The following GAB3 variants were observed in gnomAD, a reference collection of about 807,000 sequenced individuals.
GAB3 encodes the protein GRB2 associated binding protein 3.
In GAB3, 12 loss-of-function variants were observed where a neutral mutation model predicts 40.4. That is an observed-to-expected ratio of 0.30 (90% CI 0.19 to 0.48). The LOEUF (loss-of-function observed/expected upper bound fraction) is 0.48, where lower values mean the gene tolerates loss of function less well. Ranked by LOEUF, GAB3 falls within the 20% of genes least tolerant of loss-of-function variation. The probability of loss-of-function intolerance (pLI) is 0.99; values close to 1 mark genes in which losing one functional copy is unlikely to be tolerated. For synonymous variants in GAB3, 154 were observed against 176.7 expected, an observed-to-expected ratio of 0.87 and a Z score of 1.02; for missense variants, 381 against 461.9, an observed-to-expected ratio of 0.82 and a Z score of 1.61.
chrX:154,688,684 C>G (rs2070498498), intron 8 of GAB3, among the ~76,000 whole-genome samples: 1 of 111,823 alleles, frequency 8.9e-6, no homozygotes, highest in Admixed American at 9.5e-5. Context: ...AACAGATACT[C>G]CACCAAAGAA....
At chrX:154,718,263 A>G (rs1557258033) in intron 1 of GAB3, among the ~76,000 whole-genome samples, 1 of 108,926 alleles carries the variant, frequency 9.2e-6, no homozygotes, top group East Asian at 2.9e-4. Context: ...ATGCCTTAGA[A>G]TAAAAAGCCC....
intron 1 of GAB3, among the ~76,000 whole-genome samples, chrX:154,743,890 CTT>C (rs1361318407): frequency 1.8e-5 from 2 of 111,312 alleles, no homozygotes; most frequent in African/African-American, 6.6e-5. Context: ...AATAATCATA[CTT>C]TATGTGAATG....
chrX:154,707,038 C>A (rs1338278549), intron 4 of GAB3, among the ~76,000 whole-genome samples: 2 of 110,897 alleles, frequency 1.8e-5, no homozygotes, highest in African/African-American at 6.6e-5. Context: ...AAAACAGACA[C>A]ATAGACCAAT....
chrX:154,751,048 T>C lies in GAB3; in HGVS notation c.-23A>G, dbSNP rs1369065222. On this transcript the variant is annotated 5_prime_UTR_variant, in exon 1 of 10. Transcript: ENST00000424127. Reference sequence around the variant, plus strand: ...CATCGTGGCCGCCGCCGCCGCTTCCTCCAGCTGGGCCAGCCGCCCGCGGCA... The same window carrying C: ...CATCGTGGCCGCCGCCGCCGCTTCCCCCAGCTGGGCCAGCCGCCCGCGGCA... The C allele has an allele frequency of 1.3e-6, 1 of 789,419 alleles. No individual in the cohort carries two copies. The highest frequency in any genetic ancestry group is 1.5e-6 in the Non-Finnish European group (1 of 660,323). 65.1% of individuals were successfully genotyped at this position (789,419 alleles called of 1,213,427 possible).
chrX:154,733,152 T>C (rs916337317), intron 1 of GAB3, among the ~76,000 whole-genome samples: 10 of 112,217 alleles, frequency 8.9e-5, no homozygotes, highest in Admixed American at 1.9e-4. Flanking sequence ...ATGTGCAAGT[T>C]AGGGTTCAGA....
intron 1 of GAB3, among the ~76,000 whole-genome samples, chrX:154,722,102 T>A (rs1475443859): frequency 8.9e-6 from 1 of 111,844 alleles, no homozygotes; most frequent in Non-Finnish European, 1.9e-5. Flanking sequence ...ATATTATTCA[T>A]CCTTAAAAAG....
chrX:154,678,109 A>G lies in GAB3; in HGVS notation c.*69T>C. 4 of 567,261 alleles carry G rather than the reference A, an allele frequency of 7.1e-6. No individual in the cohort carries two copies. In the Admixed American group the frequency reaches 1.3e-4, roughly 18 times the overall value. 46.7% of individuals were successfully genotyped at this position (567,261 alleles called of 1,213,427 possible). ...GTGTGTTTTTAGTGGACAAAAAAAA[A>G]AAAAAAAGAAAAAACTCAAACTGAG... is the stretch of plus-strand genomic sequence containing the variant. On this transcript the variant is annotated 3_prime_UTR_variant, in exon 10 of 10. Transcript: ENST00000424127.
chrX:154,717,187 G>A (rs1164712303), intron 1 of GAB3, among the ~76,000 whole-genome samples: 2 of 111,500 alleles, frequency 1.8e-5, no homozygotes, highest in Non-Finnish European at 3.8e-5. Flanking sequence ...GAGAGAGGAA[G>A]TGTAGCCAGC....
intron 4 of GAB3, among the ~76,000 whole-genome samples, chrX:154,709,483 G>C (rs1557254963): frequency 2.9e-4 from 32 of 109,256 alleles, no homozygotes; most frequent in Admixed American, 9.8e-5. Context: ...ACCACACTGG[G>C]TAATTTTTGT....
Position 154,695,925 on chromosome X carries a change from T to C in GAB3, c.1522A>G (p.Ile508Val). The C allele has an allele frequency of 1.7e-6, 2 of 1,151,081 alleles. No individual in the cohort carries two copies. The highest frequency in any genetic ancestry group is 2.4e-6 in the Non-Finnish European group (2 of 841,840). 94.9% of individuals were successfully genotyped at this position (1,151,081 alleles called of 1,213,427 possible). A position where few individuals can be genotyped will look rare whatever the true frequency, so the allele number is the denominator to read the frequency against. ...PVSREDEESY[I>V]EMEEHRTASS... ...GAAAAATATAAGATTACCATTTCGA[T>C]GTAGCTTTCTTCGTCTTCTCTGGAA... is the stretch of plus-strand genomic sequence containing the variant. Residue 508 changes from isoleucine (I) to valine (V), a missense_variant, in exon 8 of 10, where the codon ATC (isoleucine) becomes GTC (valine). Ile to Val is a conservative substitution (Grantham distance 29, BLOSUM62 3). This residue lies in a region of GAB3 where 364 missense variants were observed against 421.0 expected (regional missense o/e 0.86). Transcript: ENST00000424127.
Position 154,700,045 on chromosome X carries a change from G to T in GAB3, c.1084C>A (p.Gln362Lys). 1 of 1,206,131 alleles carries T rather than the reference G, an allele frequency of 8.3e-7. No individual in the cohort carries two copies. The highest frequency in any genetic ancestry group is 1.8e-5 in the South Asian group (1 of 56,618). Residue 362 changes from glutamine to lysine, a missense_variant, in exon 5 of 10, where the codon CAA becomes AAA. Physicochemically the swap from Gln to Lys is moderately conservative, Grantham distance 53. Around this residue, in one of 2 missense-constraint regions of GAB3, gnomAD observed 364 missense variants for 421.0 expected, o/e 0.86. Coordinates refer to ENST00000424127, the MANE Select transcript of GAB3 (RefSeq NM_001081573.3). ...CGCTTGTCTCGGTGTCTTAAGGATT[G>T]GCCTTCTACATCAGCTGCAAGAAAT... ...MRTWKADVEGQSLRHRDKRLS... is the reference protein window; with the variant it reads ...MRTWKADVEGKSLRHRDKRLS...
intron 1 of GAB3, 34 bp from the exon 2 acceptor site, chrX:154,716,363 A>G (rs1557257660): frequency 8.7e-7 from 1 of 1,150,157 alleles, no homozygotes; most frequent in Non-Finnish European, 1.2e-6. Flanking sequence ...GAGTTACTGG[A>G]CCAATTTCTC....
intron 1 of GAB3, among the ~76,000 whole-genome samples, chrX:154,728,648 A>G (rs1224293747): frequency 8.9e-6 from 1 of 112,430 alleles, no homozygotes; most frequent in East Asian, 2.8e-4. Flanking sequence ...TACAGATAGA[A>G]CACAGAAATC....
At chrX:154,751,134 C>T (rs1267931360), upstream of GAB3, 1 of 687,590 alleles carries the variant, frequency 1.5e-6, no homozygotes, top group African/African-American at 2.4e-5. Flanking sequence ...CCCAGCGCCG[C>T]CCCGAGCGGC....
In GAB3 at chrX:154,713,210, G is replaced by A. The variant is rs782414343; in HGVS notation, c.593C>T (p.Thr198Ile). The change falls in exon 3 of 10, where the codon ACC (threonine) becomes ATC (isoleucine). Residue 198 changes from threonine to isoleucine, a missense_variant. This residue lies in a region of GAB3 where 364 missense variants were observed against 421.0 expected (regional missense o/e 0.86). Transcript: ENST00000424127. Reference sequence around the variant, plus strand: ...AGAGTCCTGGGCATAAGCATACCTGGTATGGTGCAGTCTTCCAGTCTCGCA... The same window carrying A: ...AGAGTCCTGGGCATAAGCATACCTGATATGGTGCAGTCTTCCAGTCTCGCA... The part of the protein sequence containing the change: ...SNCETGRLHH[T>I]SLPTRCDSWS... 1.9e-5 allele frequency: 23 copies of A among 1,202,319 alleles called. No homozygotes were observed. The Admixed American group carries it at 3.3e-4, about 17-fold the overall frequency.
At chrX:154,710,855 G>C (rs1247150801) in intron 4 of GAB3, among the ~76,000 whole-genome samples, 1 of 112,272 alleles carries the variant, frequency 8.9e-6, no homozygotes, top group East Asian at 2.8e-4. Context: ...TCAAGTTTTT[G>C]TTCTTCAATT....
At chrX:154,695,358 A>G (rs1185431973) in intron 8 of GAB3, among the ~76,000 whole-genome samples, 4 of 111,741 alleles carry the variant, frequency 3.6e-5, no homozygotes, top group African/African-American at 1.3e-4. Flanking sequence ...CAAATGGTTA[A>G]TCAAGTCTCC....
intron 1 of GAB3, among the ~76,000 whole-genome samples, chrX:154,732,693 G>T (rs947721851): frequency 9.0e-6 from 1 of 111,419 alleles, no homozygotes; most frequent in African/African-American, 3.3e-5. Context: ...GAAGGAGTGA[G>T]CCGTTCTAGA....
intron 6 of GAB3, 45 bp from the exon 7 acceptor site, chrX:154,697,258 A>G: frequency 1.1e-6 from 1 of 900,043 alleles, no homozygotes; most frequent in Non-Finnish European, 1.5e-6. Context: ...GCCAGAGTCT[A>G]AAGACTGTAA....
Sources: gnomAD v4.1 joint callset for allele counts (sites outside exome capture counted in the v4.1 genomes callset) on GRCh38, gnomAD v4.1.1 for gene constraint, gnomAD v4.1.1 regional missense constraint, MANE v1.5 for transcripts, NCBI Gene and HGNC (gene_info 2026-07-23, HGNC 2026-07-21) for gene names.